The following GMEB2 variants were observed in gnomAD, a reference collection of about 807,000 sequenced individuals.
GMEB2 encodes the protein glucocorticoid modulatory element-binding protein 2.
A neutral mutation model predicts 45.7 loss-of-function variants in GMEB2; 7 were observed. That is an observed-to-expected ratio of 0.15 (90% CI 0.09 to 0.29). The LOEUF is 0.29. Ranked by LOEUF, GMEB2 falls within the 10% of genes least tolerant of loss-of-function variation. GMEB2 has a pLI of 1.00. For synonymous variants in GMEB2, 322 were observed against 323.6 expected (o/e 1.00, Z 0.05); for missense variants, 582 against 739.2 (o/e 0.79, Z 2.47).
At chr20:63,612,963 TTTC>T (rs1020718319) in intron 2 of GMEB2, among the ~76,000 whole-genome samples, 1 of 152,098 alleles carries the variant, frequency 6.6e-6, no homozygotes, top group African/African-American at 2.4e-5. Flanking sequence ...TTTCTTTCTT[TTTC>T]TTTTTTTTTT....
intron 6 of GMEB2, among the ~76,000 whole-genome samples, chr20:63,595,117 C>A (rs2083183215): frequency 6.6e-6 from 1 of 152,254 alleles, no homozygotes; most frequent in Non-Finnish European, 1.5e-5. Flanking sequence ...TTTAGAGCTA[C>A]AGACACCAAC....
rs2083127486 is a variant in GMEB2, at chr20:63,589,776, T to G, written c.*313A>C. The G allele has an allele frequency of 7.6e-6, 2 of 263,170 alleles. No homozygotes were observed. The highest frequency in any genetic ancestry group is 7.2e-6 in the Non-Finnish European group (1 of 139,720). 16.3% of individuals were successfully genotyped at this position (263,170 alleles called of 1,614,324 possible). On this transcript the variant is annotated 3_prime_UTR_variant, in exon 10 of 10. Transcript: ENST00000370077. ...GTCTCTGCTGCACCCAGGCTCCCCC[T>G]AGCCCCCGCCCACCTGGCTCCTGAT...
At chr20:63,596,298 C>T (rs990367070) in intron 5 of GMEB2, among the ~76,000 whole-genome samples, 2 of 152,244 alleles carry the variant, frequency 1.3e-5, no homozygotes, top group Non-Finnish European at 2.9e-5. Context: ...AGGAAGGCTT[C>T]GTACGGCCCA....
At position 63,592,263 on chromosome 20, in the gene GMEB2, G is replaced by A; in HGVS notation, c.830-119C>T. ...TCACGTGGACGCTCGGTGAGAGCCT[G>A]GGCTCTTCCTAGAGAGTGAGAACAC... On this transcript the variant is annotated intron_variant, in intron 8 of 9. Coordinates refer to ENST00000370077, the MANE Select transcript of GMEB2 (RefSeq NM_012384.5). The surrounding 1 kb of genome is among the most constrained non-coding windows in gnomAD (Gnocchi z 8.2). 2.1e-6 allele frequency: 2 copies of A among 959,580 alleles called. No individual in the cohort carries two copies. Among genetic ancestry groups the A allele is most frequent in the Non-Finnish European group, 3.1e-6 (2 of 643,420 alleles). The allele number at this position is 959,580 out of a possible 1,614,324, so 59.4% of individuals were successfully genotyped here. A position where few individuals can be genotyped will look rare whatever the true frequency, so the allele number is the denominator to read the frequency against.
At chr20:63,608,584 T>C (rs368991667) in intron 2 of GMEB2, among the ~76,000 whole-genome samples, 90 of 3,574 alleles carry the variant, frequency 0.025, no homozygotes, top group Non-Finnish European at 0.1. Context: ...TAGAAACATG[T>C]CCCTCTGACC....
At chr20:63,596,622 C>T (rs1463716802) in intron 5 of GMEB2, among the ~76,000 whole-genome samples, 1 of 152,234 alleles carries the variant, frequency 6.6e-6, no homozygotes, top group Non-Finnish European at 1.5e-5. Context: ...GCTAGTCACT[C>T]GTGAGGTCTC....
In GMEB2 at chr20:63,593,165, C is replaced by T; in HGVS notation, c.620-83G>A. ...CATACCCTGTCCACCCTCCTCACAC[C>T]ACCTTCTGAACCTTTCCATCTGTCT... On this transcript the variant is annotated intron_variant, in intron 6 of 9. Coordinates refer to ENST00000370077, the MANE Select transcript of GMEB2 (RefSeq NM_012384.5). This position sits in a 1 kb window ranked among gnomAD's most constrained non-coding sequence, Gnocchi z 4.7. The T allele has an allele frequency of 1.2e-6, 1 of 800,738 alleles. No individual in the cohort carries two copies. Among genetic ancestry groups the T allele is most frequent in the East Asian group, 2.6e-5 (1 of 38,698 alleles). The allele number at this position is 800,738 out of a possible 1,614,324, so 49.6% of individuals were successfully genotyped here.
intron 2 of GMEB2, among the ~76,000 whole-genome samples, chr20:63,610,877 T>A (rs1234093777): frequency 6.6e-6 from 1 of 152,206 alleles, no homozygotes; most frequent in Non-Finnish European, 1.5e-5. Flanking sequence ...ACCAAGAGGC[T>A]GTGACGAGGC....
chr20:63,594,039 C>G (rs989420803), intron 6 of GMEB2, among the ~76,000 whole-genome samples: 1 of 152,238 alleles, frequency 6.6e-6, no homozygotes, highest in Admixed American at 6.5e-5. Context: ...CACCAACGAC[C>G]TGGAAGCAGT....
In GMEB2 at chr20:63,593,360, C is replaced by T. The variant is rs1007478122; in HGVS notation, c.620-278G>A. Among the ~76,000 whole-genome samples the T allele has an allele frequency of 6.6e-6, 1 of 152,066 alleles. No homozygotes were observed. Among genetic ancestry groups the T allele is most frequent in the Non-Finnish European group, 1.5e-5 (1 of 68,012 alleles). On this transcript the variant is annotated intron_variant, in intron 6 of 9. Transcript: ENST00000370077. This position sits in a 1 kb window ranked among gnomAD's most constrained non-coding sequence, Gnocchi z 4.7. ...ATTTCAGCAAATCCTCAACACTTTC[C>T]TCCTCTTGTCCATTTACGATTGTAC...
At chr20:63,625,229 G>A (rs1369078396) in intron 1 of GMEB2, among the ~76,000 whole-genome samples, 6 of 151,768 alleles carry the variant, frequency 4.0e-5, no homozygotes, top group African/African-American at 1.5e-4. Flanking sequence ...AGGCTGGAGT[G>A]CAATGGCAAA....
At chr20:63,617,076 G>A (rs1374080377) in intron 2 of GMEB2, among the ~76,000 whole-genome samples, 3 of 151,970 alleles carry the variant, frequency 2.0e-5, no homozygotes, top group Non-Finnish European at 4.4e-5. Flanking sequence ...CTGGGCTCAG[G>A]TGATCCTCCT....
chr20:63,623,970 C>T (rs1011379881), intron 1 of GMEB2, among the ~76,000 whole-genome samples: 1 of 150,022 alleles, frequency 6.7e-6, no homozygotes, highest in Non-Finnish European at 1.5e-5. Context: ...ATTAGCTGGG[C>T]GTGGTGGTGT....
intron 1 of GMEB2, among the ~76,000 whole-genome samples, chr20:63,625,574 A>G (rs993752509): frequency 1.3e-5 from 2 of 151,426 alleles, no homozygotes; most frequent in African/African-American, 4.9e-5. Flanking sequence ...TTATTAGGTA[A>G]ATCAGATATG....
At chr20:63,605,476 T>C (rs1020999160) in intron 2 of GMEB2, among the ~76,000 whole-genome samples, 11 of 148,856 alleles carry the variant, frequency 7.4e-5, no homozygotes, top group African/African-American at 2.5e-4. Flanking sequence ...TGAGTGGGGA[T>C]TGTGTCACCG....
Position 63,592,182 on chromosome 20 carries a change from C to A in GMEB2, c.830-38G>T. 1 of 1,596,828 alleles carries A rather than the reference C, an allele frequency of 6.3e-7. No individual in the cohort carries two copies. Among genetic ancestry groups the A allele is most frequent in the Non-Finnish European group, 8.5e-7 (1 of 1,170,670 alleles). On this transcript the variant is annotated intron_variant, in intron 8 of 9. Transcript: ENST00000370077. This position sits in a 1 kb window ranked among gnomAD's most constrained non-coding sequence, Gnocchi z 8.2. ...CGCGGACACTCAGTGAGAGCCCAAG[C>A]CCTTCCTAGAGAGCCACGCGGACGC...
rs756581047 is a variant in GMEB2 at position 63,588,507 on chromosome 20, T to C, written c.*1582A>G. 7 of 380,696 alleles carry C rather than the reference T, an allele frequency of 1.8e-5. No individual in the cohort carries two copies. The highest frequency in any genetic ancestry group is 4.1e-5 in the African/African-American group (2 of 48,338). 23.6% of individuals were successfully genotyped at this position (380,696 alleles called of 1,614,324 possible). Reference sequence around the variant, plus strand: ...AGATCAACATCACGCCGAAACCAGCTGACTGTGACAACAGCAAACAAAAAT... The same window carrying C: ...AGATCAACATCACGCCGAAACCAGCCGACTGTGACAACAGCAAACAAAAAT... On this transcript the variant is annotated 3_prime_UTR_variant, in exon 10 of 10. Transcript: ENST00000370077.
intron 5 of GMEB2, among the ~76,000 whole-genome samples, chr20:63,597,396 T>C: frequency 6.6e-6 from 1 of 152,096 alleles, no homozygotes; most frequent in Non-Finnish European, 1.5e-5. Context: ...ACTCTTGGCG[T>C]CAAGTGATCC....
intron 1 of GMEB2, among the ~76,000 whole-genome samples, chr20:63,625,995 G>A (rs2089668775): frequency 6.6e-6 from 1 of 152,218 alleles, no homozygotes; most frequent in Non-Finnish European, 1.5e-5. Context: ...AGAGAATTCT[G>A]GTTCAACAGA....
Sources: allele counts gnomAD v4.1 joint callset (sites outside exome capture counted in the v4.1 genomes callset), GRCh38; gene constraint gnomAD v4.1.1; non-coding constraint Gnocchi (gnomAD v3.1); transcripts MANE v1.5; gene names NCBI Gene and HGNC (gene_info 2026-07-23, HGNC 2026-07-21).